The following CDK13 variants were observed in gnomAD, a reference collection of about 807,000 sequenced individuals.
The protein encoded by CDK13 is cyclin-dependent kinase 13.
In CDK13, 40 loss-of-function variants were observed where a neutral mutation model predicts 137.6. The observed-to-expected ratio is 0.29, with a 90% CI of 0.23 to 0.38. The LOEUF (loss-of-function observed/expected upper bound fraction) is 0.38. Ranked by LOEUF, CDK13 falls within the 10% of genes least tolerant of loss-of-function variation. CDK13 has a pLI of 1.00. For synonymous variants in CDK13, 869 were observed against 760.1 expected, an observed-to-expected ratio of 1.14 and a Z score of -2.36; for missense variants, 1,704 against 1,951.8, an observed-to-expected ratio of 0.87 and a Z score of 2.39.
At chr7:39,975,104 C>T (rs746571076) in intron 1 of CDK13, among the ~76,000 whole-genome samples, 3 of 151,958 alleles carry the variant, frequency 2.0e-5, no homozygotes, top group Non-Finnish European at 4.4e-5. Context: ...CTCTCAAAGT[C>T]TTAAGCTCTG....
intron 5 of CDK13, among the ~76,000 whole-genome samples, chr7:40,024,525 T>G (rs1785196172): frequency 6.6e-6 from 1 of 152,214 alleles, no homozygotes; most frequent in African/African-American, 2.4e-5. Context: ...TTAAAAATTC[T>G]ACCTTTTCTG....
At chr7:39,992,161 AGGGTGTGTGTGT>A (rs748400767) in intron 2 of CDK13, among the ~76,000 whole-genome samples, 1 of 51,172 alleles carries the variant, frequency 2.0e-5, no homozygotes, top group South Asian at 8.0e-4. Flanking sequence ...AGAACTAATG[AGGGTGTGTGTGT>A]GTGTGTGTGT....
intron 5 of CDK13, among the ~76,000 whole-genome samples, chr7:40,045,430 CTCT>C (rs1362398620): frequency 4.1e-5 from 5 of 123,012 alleles, no homozygotes; most frequent in Non-Finnish European, 7.6e-5. Flanking sequence ...TTGGCCTGTA[CTCT>C]TTTTTTTTTT....
intron 9 of CDK13, among the ~76,000 whole-genome samples, chr7:40,074,537 A>AG (rs1378952716): frequency 3.2e-4 from 48 of 151,368 alleles, no homozygotes; most frequent in Middle Eastern, 3.4e-3. Context: ...AAAAAAAAAA[A>AG]AAAGAAAGTA....
rs535997764 is a variant in CDK13, at chr7:39,950,888, C to G, written c.247C>G (p.Pro83Ala). ...AAAASSSCFS[P>A]GPPLEVKRLA... ...CGCGGCCTCCTCCTCTTGCTTCAGC[C>G]CGGGCCCCCCTCTGGAGGTCAAGCG... The change falls in exon 1 of 14, where the codon CCG becomes GCG. Residue 83 changes from proline to alanine, a missense_variant. Pro to Ala is a conservative substitution (Grantham distance 27). Around this residue, in one of 5 missense-constraint regions of CDK13, gnomAD observed 1,051 missense variants for 931.0 expected, o/e 1.13. Coordinates refer to ENST00000181839, the MANE Select transcript of CDK13 (RefSeq NM_003718.5). 3.0e-6 allele frequency: 4 copies of G among 1,352,034 alleles called. No homozygotes were observed. The highest frequency in any genetic ancestry group is 3.8e-5 in the South Asian group (2 of 52,750). The allele number at this position is 1,352,034 out of a possible 1,614,324, so 83.8% of individuals were successfully genotyped here. A position where few individuals can be genotyped will look rare whatever the true frequency, so the allele number is the denominator to read the frequency against.
At chr7:40,034,191 C>T (rs1030403305) in intron 5 of CDK13, among the ~76,000 whole-genome samples, 1 of 151,846 alleles carries the variant, frequency 6.6e-6, no homozygotes, top group Non-Finnish European at 1.5e-5. Flanking sequence ...CACTGAACCT[C>T]CAGCTTGGTT....
intron 5 of CDK13, among the ~76,000 whole-genome samples, chr7:40,036,575 AAAATT>A (rs986775633): frequency 2.0e-4 from 31 of 152,312 alleles, no homozygotes; most frequent in South Asian, 1.7e-3. Context: ...CGTCTCAAAA[AAAATT>A]AAATTAAATT....
At chr7:40,012,950 AT>A (rs1219521880) in intron 5 of CDK13, among the ~76,000 whole-genome samples, 4 of 151,596 alleles carry the variant, frequency 2.6e-5, no homozygotes, top group Non-Finnish European at 5.9e-5. Flanking sequence ...TTTCCAAGAG[AT>A]TTGTTAAGCT....
At chr7:39,996,815 T>G (rs1272194845) in intron 2 of CDK13, among the ~76,000 whole-genome samples, 4 of 151,744 alleles carry the variant, frequency 2.6e-5, no homozygotes, top group Admixed American at 1.3e-4. Flanking sequence ...ATACAAAAAT[T>G]AGCTGGTTGT....
rs146698377 is a variant in CDK13 at position 40,063,903 on chromosome 7, C to T, written c.2780+803C>T. Among the ~76,000 whole-genome samples the T allele has an allele frequency of 1.8e-3, 273 of 152,158 alleles. 11 individuals are homozygous for T. In the East Asian group the frequency reaches 0.042, roughly 23 times the overall value. On this transcript the variant is annotated intron_variant, in intron 9 of 13. Coordinates refer to ENST00000181839, the MANE Select transcript of CDK13 (RefSeq NM_003718.5). The stretch of plus-strand genomic sequence containing the variant: ...GAACTTCCAACCTCAGGTGACTGCC[C>T]CCCGCCTCGTTCTCCCAAAGTGCTG...
intron 11 of CDK13, among the ~76,000 whole-genome samples, chr7:40,079,187 G>T (rs931702859): frequency 1.3e-5 from 2 of 152,096 alleles, no homozygotes; most frequent in Admixed American, 6.6e-5. Flanking sequence ...TTGGGAGGCC[G>T]AGGTGGGCGG....
chr7:40,027,173 G>A (rs1423105099), intron 5 of CDK13, among the ~76,000 whole-genome samples: 5 of 152,088 alleles, frequency 3.3e-5, no homozygotes, highest in Non-Finnish European at 7.4e-5. Context: ...GTGAAACCCC[G>A]TCTCTACTAA....
chr7:40,046,137 G>A lies in CDK13; in HGVS notation c.2543+112G>A, dbSNP rs1584033662. 2.6e-5 allele frequency: 18 copies of A among 681,802 alleles called. No homozygotes were observed. In the East Asian group the frequency reaches 4.9e-4, roughly 18 times the overall value. 42.2% of individuals were successfully genotyped at this position (681,802 alleles called of 1,614,324 possible). A position where few individuals can be genotyped will look rare whatever the true frequency, so the allele number is the denominator to read the frequency against. ...GGGAATGTCGGGGGTGGTGAGCGTT[G>A]AAAGTTACCTATTAGGTACAGTGTC... On this transcript the variant is annotated intron_variant, in intron 6 of 13. Transcript: ENST00000181839.
intron 7 of CDK13, chr7:40,049,037 C>G (rs1312546854): frequency 6.8e-6 from 1 of 147,348 alleles, no homozygotes; most frequent in African/African-American, 2.7e-5. Flanking sequence ...AACCCCATCT[C>G]TACTAAAAAT....
At chr7:39,952,483 T>C (rs1448104101) in intron 1 of CDK13, 1 of 152,226 alleles carries the variant, frequency 6.6e-6, no homozygotes, top group Admixed American at 6.5e-5. Context: ...TTGTGTGGGA[T>C]AGTTTTTACC....
intron 3 of CDK13, chr7:39,998,656 C>T (rs1456726086): frequency 6.6e-6 from 1 of 151,758 alleles, no homozygotes; most frequent in Non-Finnish European, 1.5e-5. Flanking sequence ...CTAAAAAATA[C>T]TCTCTTCTTG....
At chr7:40,006,571 T>A (rs1263851365) in intron 5 of CDK13, among the ~76,000 whole-genome samples, 1 of 152,146 alleles carries the variant, frequency 6.6e-6, no homozygotes, top group South Asian at 2.1e-4. Context: ...CCCAGCACTT[T>A]GGTTGGCTGA....
At chr7:40,062,107 G>T (rs997903298) in intron 7 of CDK13, 1 of 152,078 alleles carries the variant, frequency 6.6e-6, no homozygotes, top group African/African-American at 2.4e-5. Context: ...TTGTTAGGTG[G>T]TCTTTATTTG....
chr7:39,988,150 C>T lies in CDK13; in HGVS notation c.1763C>T (p.Thr588Ile), dbSNP rs754814006. ...CTTAAAGAGAAAACCAAACCACTTA[C>T]ACCAAGCATAGGAGCCAAGGAGAAG... is the stretch of plus-strand genomic sequence containing the variant. ...VSLKEKTKPLTPSIGAKEKEQ... is the reference protein window; with the variant it reads ...VSLKEKTKPLIPSIGAKEKEQ... The change falls in exon 2 of 14, where the codon ACA becomes ATA. Residue 588 changes from threonine (T) to isoleucine (I), a missense_variant. Coordinates refer to ENST00000181839, the MANE Select transcript of CDK13 (RefSeq NM_003718.5). 6.2e-7 allele frequency: 1 copy of T among 1,613,950 alleles called. No individual in the cohort carries two copies. The highest frequency in any genetic ancestry group is 2.2e-5 in the East Asian group (1 of 44,892).
Sources: gnomAD v4.1 joint callset for allele counts (sites outside exome capture counted in the v4.1 genomes callset) on GRCh38, gnomAD v4.1.1 for gene constraint, gnomAD v4.1.1 regional missense constraint, MANE v1.5 for transcripts, NCBI Gene and HGNC (gene_info 2026-07-23, HGNC 2026-07-21) for gene names.